Variants in RRM2 observed in about 807,000 individuals in gnomAD.
The protein encoded by RRM2 is ribonucleotide reductase regulatory subunit M2, also known as ribonucleoside-diphosphate reductase subunit M2.
Under a neutral mutation model 45.9 loss-of-function variants are expected in RRM2, and 6 were observed. The ratio of observed to expected loss-of-function variants is 0.13; its 90% CI spans 0.07 to 0.26. The LOEUF (loss-of-function observed/expected upper bound fraction) is 0.26, where lower values mean the gene tolerates loss of function less well. Among genes scored for constraint, RRM2 ranks in the 10% least tolerant of loss-of-function variants. The pLI is 1.00. For synonymous variants in RRM2, 177 were observed against 173.0 expected (o/e 1.02, Z -0.18); for missense variants, 343 against 489.5 (o/e 0.70, Z 2.82).
chr2:10,139,824 T>G (rs552784279), upstream of RRM2, among the ~76,000 whole-genome samples: 3 of 152,336 alleles, frequency 2.0e-5, no homozygotes, highest in South Asian at 6.2e-4. Context: ...TCCACTCCTT[T>G]CTAGGACTTT....
intron 3 of RRM2, among the ~76,000 whole-genome samples, chr2:10,203,287 G>A (rs1664599104): frequency 6.6e-6 from 1 of 152,174 alleles, no homozygotes; most frequent in African/African-American, 2.4e-5. Context: ...GCTTAAGGAT[G>A]GGTCTCGGGC....
chr2:10,156,366 T>A (rs1315756197), intron 3 of RRM2: 1 of 152,184 alleles, frequency 6.6e-6, no homozygotes, highest in African/African-American at 2.4e-5. Flanking sequence ...ATATGTACAG[T>A]CTTAAAGAAG....
At chr2:10,159,271 C>T (rs935928947) in intron 3 of RRM2, among the ~76,000 whole-genome samples, 4 of 152,162 alleles carry the variant, frequency 2.6e-5, no homozygotes, top group East Asian at 1.9e-4. Context: ...GGTACCCAGA[C>T]GATGAGCAAA....
intron 3 of RRM2, among the ~76,000 whole-genome samples, chr2:10,176,994 C>T (rs1663929228): frequency 6.6e-6 from 1 of 152,044 alleles, no homozygotes; most frequent in African/African-American, 2.4e-5. Flanking sequence ...GCCGGTAATC[C>T]CAGCATTTTG....
intron 5 of RRM2, among the ~76,000 whole-genome samples, chr2:10,125,082 C>A (rs1662751343): frequency 1.3e-5 from 2 of 152,158 alleles, no homozygotes; most frequent in African/African-American, 4.8e-5. Context: ...CAATGTAAAA[C>A]CTTCTTTTGA....
At chr2:10,179,969 G>T (rs569819784) in intron 3 of RRM2, among the ~76,000 whole-genome samples, 1 of 152,208 alleles carries the variant, frequency 6.6e-6, no homozygotes, top group South Asian at 2.1e-4. Context: ...CCACCTCCTC[G>T]GGAAGCCCTC....
rs571091200 is a variant in RRM2, at chr2:10,123,482, C to T, written c.270C>T (p.Ile90=). 1 of 1,614,172 alleles carries T rather than the reference C, an allele frequency of 6.2e-7. No individual in the cohort carries two copies. Among genetic ancestry groups the T allele is most frequent in the African/African-American group, 1.3e-5 (1 of 75,038 alleles). ...TCTTCCCCATCGAGTACCATGATAT[C>T]TGGCAGATGTATAAGAAGGCAGAGG... ...FVIFPIEYHD[I]WQMYKKAEAS... The change falls in exon 3 of 10, where the codon ATC becomes ATT. Residue 90 remains isoleucine, a synonymous_variant. Transcript: ENST00000304567.
intron 3 of RRM2, 44 bp from the exon 4 acceptor site, chr2:10,123,692 T>TA: frequency 7.0e-7 from 1 of 1,427,812 alleles, no homozygotes; most frequent in Non-Finnish European, 9.9e-7. Flanking sequence ...CTGTAGGCTT[T>TA]ACTCTCTTCC....
intron 3 of RRM2, among the ~76,000 whole-genome samples, chr2:10,151,295 A>ATTTTTTTT (rs1197139714): frequency 8.9e-6 from 1 of 111,980 alleles, no homozygotes; most frequent in Non-Finnish European, 1.8e-5. Context: ...CTGCATGTAG[A>ATTTTTTTT]TTTTTTTTTT....
At chr2:10,186,913 C>T (rs1050658053) in intron 3 of RRM2, among the ~76,000 whole-genome samples, 2 of 152,212 alleles carry the variant, frequency 1.3e-5, no homozygotes, top group African/African-American at 4.8e-5. Context: ...CCCAGTGAGG[C>T]TGAGCGCTGA....
chr2:10,200,477 GAGGCCCACAGGCAC>G, intron 3 of RRM2, among the ~76,000 whole-genome samples: 1 of 60,462 alleles, frequency 1.7e-5, no homozygotes, highest in South Asian at 7.3e-4. Context: ...CGCAAAATAT[GAGGCCCACAGGCAC>G]CGCGCACACA....
chr2:10,210,015 CCTT>C (rs1478679168), intron 3 of RRM2, among the ~76,000 whole-genome samples: 1 of 152,184 alleles, frequency 6.6e-6, no homozygotes, highest in African/African-American at 2.4e-5. Context: ...AGCCTGGAGT[CCTT>C]CTCCAGACTT....
At chr2:10,177,662 T>TTTTCCTTC (rs1423642687) in intron 3 of RRM2, among the ~76,000 whole-genome samples, 7 of 124,092 alleles carry the variant, frequency 5.6e-5, no homozygotes, top group Admixed American at 1.8e-4. Flanking sequence ...GCTTCTTTCC[T>TTTTCCTTC]TTTCCTTCCT....
chr2:10,206,339 T>C (rs1201366692), intron 3 of RRM2, among the ~76,000 whole-genome samples: 5 of 152,050 alleles, frequency 3.3e-5, no homozygotes, highest in Admixed American at 1.3e-4. Flanking sequence ...AAGGTATCTA[T>C]CTGCATAAAA....
chr2:10,145,371 G>A lies in RRM2; in HGVS notation n.482+2996G>A, dbSNP rs187352516. ...ACATAGAGACCTAGTGTGCACACTC[G>A]CAGCCCAGGCTTGTGAGCTGCAGTC... On this transcript the variant is annotated intron_variant and non_coding_transcript_variant, in intron 3 of 3. Coordinates refer to the RRM2 transcript ENST00000381786. 3.3e-5 allele frequency among the ~76,000 whole-genome samples: 5 copies of A among 152,330 alleles called. No homozygotes were observed. In the East Asian group the frequency reaches 5.8e-4, roughly 18 times the overall value.
At chr2:10,155,314 A>C (rs1663401065) in intron 3 of RRM2, 1 of 162,632 alleles carries the variant, frequency 6.1e-6, no homozygotes, top group East Asian at 1.8e-4. Context: ...TATTATTGTT[A>C]ATTTCCACCT....
At chr2:10,146,608 G>C (rs73169311) in intron 3 of RRM2, among the ~76,000 whole-genome samples, 6,423 of 152,196 alleles carry the variant, frequency 0.042, 460 homozygotes, top group African/African-American at 0.15. Context: ...TCCCCCCAGC[G>C]CATGCTCCTC....
rs558238450 is a variant in RRM2 at position 10,148,179 on chromosome 2, C to T, written n.482+5804C>T. On this transcript the variant is annotated intron_variant and non_coding_transcript_variant, in intron 3 of 3. Transcript: ENST00000381786. ...AAAAAAAAAAAAAAAAAAAAGAAAT[C>T]AGATACTAACAACTCTCTCCTTCTT... 3.2e-4 allele frequency among the ~76,000 whole-genome samples: 45 copies of T among 142,768 alleles called. 1 individual carries two copies. Among genetic ancestry groups the T allele is most frequent in the African/African-American group, 9.8e-4 (38 of 38,954 alleles). The allele number at this position is 142,768 out of a possible 152,430, so 93.7% of individuals were successfully genotyped here. A position where few individuals can be genotyped will look rare whatever the true frequency, so the allele number is the denominator to read the frequency against.
intron 3 of RRM2, among the ~76,000 whole-genome samples, chr2:10,175,156 C>T (rs1181808658): frequency 2.0e-5 from 3 of 152,210 alleles, no homozygotes; most frequent in Non-Finnish European, 2.9e-5. Flanking sequence ...CATGTGCATA[C>T]TCTGCACCGA....
Sources: allele counts gnomAD v4.1 joint callset (sites outside exome capture counted in the v4.1 genomes callset), GRCh38; gene constraint gnomAD v4.1.1; transcripts MANE v1.5; gene names NCBI Gene and HGNC (gene_info 2026-07-23, HGNC 2026-07-21).